The following NXPH1 variants were observed in gnomAD, a reference collection of about 807,000 sequenced individuals.
NXPH1 encodes the protein neurexophilin 1.
In NXPH1, 5 loss-of-function variants were observed where a neutral mutation model predicts 23.7. That is an observed-to-expected ratio of 0.21 (90% CI 0.11 to 0.44). The LOEUF (loss-of-function observed/expected upper bound fraction) is 0.44. Among genes scored for constraint, NXPH1 ranks in the 20% least tolerant of loss-of-function variants. The probability of loss-of-function intolerance (pLI) is 0.99; values close to 1 mark genes in which losing one functional copy is unlikely to be tolerated. For synonymous variants in NXPH1, 144 were observed against 122.2 expected (o/e 1.18, Z -1.18); for missense variants, 324 against 321.6 (o/e 1.01, Z -0.06).
At chr7:8,718,353 A>G (rs1458662256) in intron 2 of NXPH1, among the ~76,000 whole-genome samples, 1 of 152,178 alleles carries the variant, frequency 6.6e-6, no homozygotes, top group Non-Finnish European at 1.5e-5. Flanking sequence ...GCACCTGAGC[A>G]ATTGGTTCTT....
intron 2 of NXPH1, among the ~76,000 whole-genome samples, chr7:8,719,233 A>G (rs1779926308): frequency 6.6e-6 from 1 of 152,206 alleles, no homozygotes; most frequent in South Asian, 2.1e-4. Flanking sequence ...TTAATAGGAG[A>G]TAATGACTGC....
intron 2 of NXPH1, among the ~76,000 whole-genome samples, chr7:8,558,861 T>C (rs1168290544): frequency 6.6e-6 from 1 of 151,788 alleles, no homozygotes; most frequent in African/African-American, 2.4e-5. Context: ...TTGATTATCT[T>C]GCTATAGTTT....
At chr7:8,543,219 T>C (rs1173700577) in intron 2 of NXPH1, among the ~76,000 whole-genome samples, 3 of 151,616 alleles carry the variant, frequency 2.0e-5, no homozygotes, top group Non-Finnish European at 4.4e-5. Context: ...CTCCCACCTA[T>C]GTATTTTTGC....
intron 2 of NXPH1, among the ~76,000 whole-genome samples, chr7:8,517,564 T>G (rs945571552): frequency 6.6e-6 from 1 of 152,144 alleles, no homozygotes; most frequent in African/African-American, 2.4e-5. Context: ...AAGATCTGAC[T>G]CTGAGTTTGA....
chr7:8,739,525 A>T (rs547963861), intron 2 of NXPH1, among the ~76,000 whole-genome samples: 1 of 152,196 alleles, frequency 6.6e-6, no homozygotes, highest in East Asian at 1.9e-4. Context: ...CTCAGCTGGA[A>T]ATGCAGAAGT....
intron 2 of NXPH1, among the ~76,000 whole-genome samples, chr7:8,580,124 T>C (rs1297192606): frequency 6.6e-6 from 1 of 152,146 alleles, no homozygotes; most frequent in Non-Finnish European, 1.5e-5. Flanking sequence ...CCTGCTTCAC[T>C]GGGGAACGGG....
At chr7:8,445,436 C>T (rs1171016894) in intron 2 of NXPH1, among the ~76,000 whole-genome samples, 1 of 152,198 alleles carries the variant, frequency 6.6e-6, no homozygotes, top group African/African-American at 2.4e-5. Flanking sequence ...CAGGGCCCTA[C>T]ATTTTTCTGC....
At chr7:8,437,272 C>T (rs983734610) in intron 2 of NXPH1, among the ~76,000 whole-genome samples, 1 of 152,094 alleles carries the variant, frequency 6.6e-6, no homozygotes, top group East Asian at 1.9e-4. Context: ...TTCACCCCCA[C>T]CTGTGTTCAG....
At chr7:8,713,009 C>G (rs899406418) in intron 2 of NXPH1, among the ~76,000 whole-genome samples, 1 of 151,198 alleles carries the variant, frequency 6.6e-6, no homozygotes, top group African/African-American at 2.4e-5. Flanking sequence ...CTTTTTACCC[C>G]CCTCTCTCTC....
rs557431557 is a variant in NXPH1 at position 8,587,476 on chromosome 7, C to A, written c.54+151709C>A. On this transcript the variant is annotated intron_variant, in intron 2 of 2. Transcript: ENST00000405863. ...TATAGGTGCATGCCACTGTTTCTGG[C>A]TTCAGGAGATAATCTTTTTAAAATT... 3.3e-5 allele frequency among the ~76,000 whole-genome samples: 5 copies of A among 152,096 alleles called. No individual in the cohort carries two copies. In the South Asian group the frequency reaches 1.0e-3, roughly 32 times the overall value.
At chr7:8,454,197 T>G (rs1451414587) in intron 2 of NXPH1, among the ~76,000 whole-genome samples, 3 of 152,210 alleles carry the variant, frequency 2.0e-5, no homozygotes, top group African/African-American at 7.2e-5. Context: ...ATGACACCTA[T>G]GTAACAAACC....
Position 8,461,843 on chromosome 7 carries a change from A to AAAAAAAAAAAAAAATAG in NXPH1, c.54+26084_54+26085insAAAAAATAGAAAAAAAA, listed in dbSNP as rs758426131. On this transcript the variant is annotated intron_variant, in intron 2 of 2. Coordinates refer to ENST00000405863, the MANE Select transcript of NXPH1 (RefSeq NM_152745.3). ...CAGAGCGAGACTCCGTCTCAAAAAA[A>AAAAAAAAAAAAAAATAG]AAAAAAAAGAATAAACACACAAGTG... 2.5e-5 allele frequency among the ~76,000 whole-genome samples: 3 copies of AAAAAAAAAAAAAAATAG among 121,452 alleles called. 1 individual carries two copies. The highest frequency in any genetic ancestry group is 5.2e-5 in the Non-Finnish European group (3 of 57,950). The allele number at this position is 121,452 out of a possible 152,430, so 79.7% of individuals were successfully genotyped here.
At chr7:8,698,608 T>G (rs181626679) in intron 2 of NXPH1, among the ~76,000 whole-genome samples, 2,063 of 146,082 alleles carry the variant, frequency 0.014, 23 homozygotes, top group Non-Finnish European at 0.023. Context: ...GGTACTATAC[T>G]GATTTTTTGT....
At chr7:8,727,120 C>A (rs2115212149) in intron 2 of NXPH1, among the ~76,000 whole-genome samples, 1 of 148,180 alleles carries the variant, frequency 6.7e-6, no homozygotes, top group Middle Eastern at 3.4e-3. Flanking sequence ...GTTTTTTCGG[C>A]TGCATAAATG....
chr7:8,463,242 T>TC (rs1035876251), intron 2 of NXPH1, among the ~76,000 whole-genome samples: 1 of 152,136 alleles, frequency 6.6e-6, no homozygotes, highest in Non-Finnish European at 1.5e-5. Context: ...GACACTTCCT[T>TC]CTTTTTCACT....
At chr7:8,616,256 G>A (rs1819735478) in intron 2 of NXPH1, among the ~76,000 whole-genome samples, 1 of 147,328 alleles carries the variant, frequency 6.8e-6, no homozygotes, top group Non-Finnish European at 1.5e-5. Context: ...ACTTCATTTT[G>A]AAGTCTTTTG....
At chr7:8,541,474 A>C (rs2128618505) in intron 2 of NXPH1, among the ~76,000 whole-genome samples, 1 of 151,742 alleles carries the variant, frequency 6.6e-6, no homozygotes, top group South Asian at 2.1e-4. Context: ...AAATCCAAGA[A>C]GTCCAATGAG....
intron 2 of NXPH1, among the ~76,000 whole-genome samples, chr7:8,572,510 A>T (rs921765610): frequency 6.6e-6 from 1 of 152,016 alleles, no homozygotes; most frequent in African/African-American, 2.4e-5. Context: ...TACAGCATTT[A>T]GTGGCAAGAC....
chr7:8,666,743 G>C (rs1452179598), intron 2 of NXPH1, among the ~76,000 whole-genome samples: 1 of 151,972 alleles, frequency 6.6e-6, no homozygotes, highest in Non-Finnish European at 1.5e-5. Flanking sequence ...ATTTATTCAT[G>C]ATTCAGTTTT....
Sources: gnomAD v4.1 joint callset for allele counts (sites outside exome capture counted in the v4.1 genomes callset) on GRCh38, gnomAD v4.1.1 for gene constraint, MANE v1.5 for transcripts, NCBI Gene and HGNC (gene_info 2026-07-23, HGNC 2026-07-21) for gene names.